Variants in DNAH10 observed in about 807,000 individuals in gnomAD.
DNAH10 encodes axonemal beta dynein heavy chain 10.
Under a neutral mutation model 506.6 loss-of-function variants are expected in DNAH10, and 348 were observed. That is an observed-to-expected ratio of 0.69 (90% CI 0.63 to 0.75). DNAH10 has a LOEUF of 0.75. Ranked by LOEUF, DNAH10 falls within the 30% of genes least tolerant of loss-of-function variation. The pLI, the probability that DNAH10 is intolerant of heterozygous loss-of-function variation, is 0.00. For missense variants in DNAH10, 5,179 were observed against 5,787.1 expected, an observed-to-expected ratio of 0.89 and a Z score of 3.41; for synonymous variants, 2,059 against 2,198.6, an observed-to-expected ratio of 0.94 and a Z score of 1.78.
At chr12:123,859,331 C>T (rs1275894541) in intron 38 of DNAH10, 63 bp downstream of exon 38, 45 of 1,283,236 alleles carry the variant, frequency 3.5e-5, no homozygotes, top group Non-Finnish European at 2.3e-5. Context: ...ATGTTTGGTG[C>T]CAGTATTACC....
chr12:123,811,825 G>A (rs1267218066), intron 19 of DNAH10, among the ~76,000 whole-genome samples: 2 of 151,736 alleles, frequency 1.3e-5, no homozygotes, highest in Non-Finnish European at 2.9e-5. Context: ...TTTTAGTAGA[G>A]ACAGGGTTTC....
chr12:123,875,287 A>G lies in DNAH10; in HGVS notation c.7995A>G (p.Lys2665=), dbSNP rs780543705. Reference sequence around the variant, plus strand: ...CCTTGCTGAAGCTGCTGTTGGAAAAAGGCTACTTATATGACCGTGGGAAGG... The same window carrying G: ...CCTTGCTGAAGCTGCTGTTGGAAAAGGGCTACTTATATGACCGTGGGAAGG... The part of the protein sequence containing the change: ...PIALLKLLLE[K]GYLYDRGKEL... The change falls in exon 47 of 79, where the codon AAA becomes AAG. Residue 2665 remains lysine (K), a synonymous_variant. Transcript: ENST00000673944. 1.2e-6 allele frequency: 2 copies of G among 1,613,126 alleles called. No homozygotes were observed. The highest frequency in any genetic ancestry group is 1.7e-6 in the Non-Finnish European group (2 of 1,179,432).
Position 123,772,930 on chromosome 12 carries a change from A to G in DNAH10, c.493A>G (p.Arg165Gly). Residue 165 changes from arginine to glycine, a missense_variant, in exon 4 of 79, where the codon AGA becomes GGA. By Grantham distance (125) the Arg-to-Gly change is moderately radical. Transcript: ENST00000673944. Reference protein sequence around the residue: ...FLDQNVVFFLRNTKEAISEAT... With the variant: ...FLDQNVVFFLGNTKEAISEAT... The stretch of plus-strand genomic sequence containing the variant: ...GGACCAAAACGTGGTGTTTTTCCTC[A>G]GAAATACCAAAGGTACATTTCTGGC... 1 of 1,611,892 alleles carries G rather than the reference A, an allele frequency of 6.2e-7. No homozygotes were observed. The highest frequency in any genetic ancestry group is 8.5e-7 in the Non-Finnish European group (1 of 1,178,592).
At chr12:123,823,837 G>C (rs1959687289) in intron 24 of DNAH10, among the ~76,000 whole-genome samples, 1 of 151,842 alleles carries the variant, frequency 6.6e-6, no homozygotes, top group African/African-American at 2.4e-5. Context: ...TCAAATACTA[G>C]GTCTTATTCA....
intron 27 of DNAH10, 52 bp downstream of exon 27, chr12:123,833,399 C>G (rs977496299): frequency 1.4e-6 from 2 of 1,398,514 alleles, no homozygotes; most frequent in Admixed American, 2.0e-5. Flanking sequence ...ATAGCAGTGG[C>G]TTTTATATGA....
Position 123,820,632 on chromosome 12 carries a change from C to A in DNAH10, c.4053C>A (p.Ser1351Arg). The change falls in exon 24 of 79, where the codon AGC becomes AGA. Residue 1351 changes from serine to arginine, a missense_variant. By Grantham distance (110) the Ser-to-Arg change is moderately radical. Coordinates refer to ENST00000673944, the MANE Select transcript of DNAH10 (RefSeq NM_001372106.1). ...YERELARHEKSRQELANAEKL... is the reference protein window; with the variant it reads ...YERELARHEKRRQELANAEKL... ...GAGAGCTGGCAAGACATGAAAAGAG[C>A]CGTCAGGAACTGGCTAACGCTGAGA... 6.2e-7 allele frequency: 1 copy of A among 1,613,928 alleles called. No homozygotes were observed. The highest frequency in any genetic ancestry group is 8.5e-7 in the Non-Finnish European group (1 of 1,179,886).
intron 27 of DNAH10, among the ~76,000 whole-genome samples, chr12:123,834,646 A>T (rs1960942627): frequency 6.6e-6 from 1 of 152,224 alleles, no homozygotes; most frequent in Admixed American, 6.5e-5. Context: ...AAACCAAAAG[A>T]CAAGCCAGTA....
rs145491130 is a variant in DNAH10, at chr12:123,918,563, A to T, written c.11233-113A>T. On this transcript the variant is annotated intron_variant, in intron 64 of 78. Transcript: ENST00000673944. ...CCTCGCTCCCCTGCAGTCCCTGGAT[A>T]CTTTCAAAGCCCTGAAGCATTGTAC... The T allele has an allele frequency of 3.6e-5, 47 of 1,313,600 alleles. No homozygotes were observed. In the African/African-American group the frequency reaches 6.5e-4, roughly 18 times the overall value. The allele number at this position is 1,313,600 out of a possible 1,614,324, so 81.4% of individuals were successfully genotyped here.
At chr12:123,844,512 T>C (rs190729647) in intron 30 of DNAH10, among the ~76,000 whole-genome samples, 17 of 152,240 alleles carry the variant, frequency 1.1e-4, no homozygotes, top group Admixed American at 9.8e-4. Flanking sequence ...CTCAGCAGGA[T>C]CTGTACATTA....
At chr12:123,848,186 C>A in intron 33 of DNAH10, 91 bp downstream of exon 33, 2 of 1,510,286 alleles carry the variant, frequency 1.3e-6, no homozygotes, top group Non-Finnish European at 1.8e-6. Flanking sequence ...TTTGACATGG[C>A]GACAGTGGAA....
chr12:123,917,437 C>G lies in DNAH10; in HGVS notation c.11003-147C>G. 1.3e-6 allele frequency: 1 copy of G among 753,826 alleles called. No individual in the cohort carries two copies. The highest frequency in any genetic ancestry group is 1.8e-5 in the South Asian group (1 of 55,710). 46.7% of individuals were successfully genotyped at this position (753,826 alleles called of 1,614,324 possible). Reference sequence around the variant, plus strand: ...TGCTCCTGCCTGCCACCTTGCTGCTCTAGAGTGACTTTGGTGGGCAGTGAA... The same window carrying G: ...TGCTCCTGCCTGCCACCTTGCTGCTGTAGAGTGACTTTGGTGGGCAGTGAA... On this transcript the variant is annotated intron_variant, in intron 63 of 78. Coordinates refer to ENST00000673944, the MANE Select transcript of DNAH10 (RefSeq NM_001372106.1). This position sits in a 1 kb window ranked among gnomAD's most constrained non-coding sequence, Gnocchi z 5.6.
chr12:123,776,117 C>T (rs919421185), intron 5 of DNAH10, among the ~76,000 whole-genome samples: 4 of 152,054 alleles, frequency 2.6e-5, no homozygotes, highest in African/African-American at 4.8e-5. Context: ...TCCCATGACA[C>T]GTGGGGATTA....
chr12:123,898,213 AAATTTTATTTTTTATCTTAGGG>A (rs1308622173), intron 55 of DNAH10, among the ~76,000 whole-genome samples: 8 of 152,072 alleles, frequency 5.3e-5, no homozygotes, highest in African/African-American at 1.9e-4. Flanking sequence ...AGCAATTTTT[AAATTTTATTTTTTATCTTAGGG>A]ATAGGGTCTC....
rs752623805 is a variant in DNAH10 at position 123,929,627 on chromosome 12, G to A, written c.12517-37G>A. The A allele has an allele frequency of 1.3e-5, 21 of 1,595,808 alleles. No homozygotes were observed. In the African/African-American group the frequency reaches 2.3e-4, roughly 17 times the overall value. On this transcript the variant is annotated intron_variant, in intron 71 of 78. Transcript: ENST00000673944. ...GTATCAGAATGTGAACAGCTTGGTGGGTTTCAGTATAACTGAGCGTGTTCT... is the reference window on the plus strand; with the variant it reads ...GTATCAGAATGTGAACAGCTTGGTGAGTTTCAGTATAACTGAGCGTGTTCT...
rs1958478551 is a variant in DNAH10, at chr12:123,801,407, TAA to T, written c.2590_2591del (p.Lys864GlufsTer11). On this transcript the variant is annotated frameshift_variant, in exon 16 of 79. Coordinates refer to ENST00000673944, the MANE Select transcript of DNAH10 (RefSeq NM_001372106.1). LOFTEE classifies it high-confidence loss of function. ...ELLRVFRSGYKRLNWNSLGIG... is the reference protein window; with the variant it reads ...ELLRVFRSGYXRLNWNSLGIG... Reference sequence around the variant, plus strand: ...TGCTCCGAGTGTTTAGGTCGGGATATAAGAGGTTGAACTGGAACTCACTAGGT... The same window carrying T: ...TGCTCCGAGTGTTTAGGTCGGGATATGAGGTTGAACTGGAACTCACTAGGT... 9 of 1,614,132 alleles carry T rather than the reference TAA, an allele frequency of 5.6e-6. No homozygotes were observed. Among genetic ancestry groups the T allele is most frequent in the Non-Finnish European group, 6.8e-6 (8 of 1,180,022 alleles).
intron 2 of DNAH10, among the ~76,000 whole-genome samples, chr12:123,768,688 T>G (rs1957140151): frequency 6.6e-6 from 1 of 152,216 alleles, no homozygotes; most frequent in Non-Finnish European, 1.5e-5. Flanking sequence ...GGCTTCCCAC[T>G]GTGCAAGCTA....
intron 39 of DNAH10, among the ~76,000 whole-genome samples, chr12:123,863,264 G>C (rs753386114): frequency 1.3e-5 from 2 of 152,188 alleles, no homozygotes; most frequent in African/African-American, 4.8e-5. Context: ...CCTGAAGCTT[G>C]AATACCTGAG....
intron 30 of DNAH10, among the ~76,000 whole-genome samples, chr12:123,843,570 C>CT (rs1565980230): frequency 6.6e-6 from 1 of 151,670 alleles, no homozygotes; most frequent in Admixed American, 6.6e-5. Context: ...GCTTTTCCTA[C>CT]TTATTTATTT....
intron 23 of DNAH10, among the ~76,000 whole-genome samples, chr12:123,820,011 T>G (rs1046213244): frequency 8.5e-5 from 13 of 152,130 alleles, no homozygotes; most frequent in African/African-American, 3.1e-4. Flanking sequence ...AGTCCTAAAA[T>G]TCTTATTCTA....
Sources: gnomAD v4.1 joint callset for allele counts (sites outside exome capture counted in the v4.1 genomes callset) on GRCh38, gnomAD v4.1.1 for gene constraint, Gnocchi (gnomAD v3.1) non-coding constraint, MANE v1.5 for transcripts, NCBI Gene and HGNC (gene_info 2026-07-23, HGNC 2026-07-21) for gene names.